MAML2: variants seen among roughly 807,000 people sequenced by gnomAD.
The protein encoded by MAML2 is mastermind like transcriptional coactivator 2.
In MAML2, 22 loss-of-function variants were observed where a neutral mutation model predicts 96.1. The observed-to-expected ratio is 0.23, with a 90% CI of 0.16 to 0.33. The LOEUF is 0.33. Among genes scored for constraint, MAML2 ranks in the 10% least tolerant of loss-of-function variants. The probability of loss-of-function intolerance (pLI) is 1.00; values close to 1 mark genes in which losing one functional copy is unlikely to be tolerated. For synonymous variants in MAML2, 561 were observed against 521.3 expected, an observed-to-expected ratio of 1.08 and a Z score of -1.04; for missense variants, 1,367 against 1,392.4, an observed-to-expected ratio of 0.98 and a Z score of 0.29.
intron 1 of MAML2, among the ~76,000 whole-genome samples, chr11:96,286,038 A>G (rs1057002545): frequency 6.6e-6 from 1 of 152,254 alleles, no homozygotes; most frequent in African/African-American, 2.4e-5. Flanking sequence ...TGTTCATTGC[A>G]GCACTATTCA....
At chr11:96,194,535 T>C (rs488964) in intron 1 of MAML2, among the ~76,000 whole-genome samples, 22,447 of 152,246 alleles carry the variant, frequency 0.15, 1,761 homozygotes, top group East Asian at 0.21. Context: ...AATAAATTTG[T>C]TGGATTAAAT....
At chr11:96,063,967 T>C (rs936159389) in intron 2 of MAML2, among the ~76,000 whole-genome samples, 95 of 152,206 alleles carry the variant, frequency 6.2e-4, no homozygotes, top group African/African-American at 2.1e-3. Context: ...GATGAGTTCA[T>C]GTCTGTAAAA....
At chr11:96,198,250 C>T (rs1170294704) in intron 1 of MAML2, among the ~76,000 whole-genome samples, 1 of 152,164 alleles carries the variant, frequency 6.6e-6, no homozygotes, top group Non-Finnish European at 1.5e-5. Context: ...CCAGAGATAG[C>T]TTATTGGACC....
At chr11:96,254,670 A>G (rs1862636647) in intron 1 of MAML2, among the ~76,000 whole-genome samples, 1 of 152,210 alleles carries the variant, frequency 6.6e-6, no homozygotes, top group Admixed American at 6.5e-5. Context: ...AATTTCACAC[A>G]TCTCAAAACA....
At chr11:96,173,706 C>A (rs1026744104) in intron 1 of MAML2, among the ~76,000 whole-genome samples, 3 of 152,192 alleles carry the variant, frequency 2.0e-5, no homozygotes, top group Admixed American at 6.5e-5. Flanking sequence ...ATGGCAGAGG[C>A]CACAGGGGCG....
At chr11:95,993,174 T>C (rs1857939647) in intron 2 of MAML2, among the ~76,000 whole-genome samples, 1 of 148,724 alleles carries the variant, frequency 6.7e-6, no homozygotes, top group East Asian at 2.0e-4. Flanking sequence ...CCTCCCACAG[T>C]GCTGGTATTA....
intron 2 of MAML2, among the ~76,000 whole-genome samples, chr11:96,051,806 ATTTAATTGTCTATCAGT>A (rs564925568): frequency 1.1e-4 from 16 of 152,334 alleles, no homozygotes; most frequent in African/African-American, 3.6e-4. Context: ...CTTTACCTGG[ATTTAATTGTCTATCAGT>A]TTTATGCCTC....
intron 2 of MAML2, among the ~76,000 whole-genome samples, chr11:95,997,740 C>A (rs1858014478): frequency 6.6e-6 from 1 of 152,134 alleles, no homozygotes; most frequent in Non-Finnish European, 1.5e-5. Context: ...GAGCTGTACA[C>A]AAGTGGTCCC....
At chr11:96,108,016 G>A (rs956949318) in intron 1 of MAML2, among the ~76,000 whole-genome samples, 1 of 152,116 alleles carries the variant, frequency 6.6e-6, no homozygotes, top group South Asian at 2.1e-4. Flanking sequence ...AATCAAACCC[G>A]AAGAAGAGGT....
intron 1 of MAML2, among the ~76,000 whole-genome samples, chr11:96,237,841 G>A (rs192483919): frequency 6.6e-6 from 1 of 152,332 alleles, no homozygotes; most frequent in East Asian, 1.9e-4. Flanking sequence ...AAAGGAATCT[G>A]CTAAGCTAAT....
Position 96,260,443 on chromosome 11 carries a change from T to C in MAML2, c.513+80940A>G, listed in dbSNP as rs1385336628. Among the ~76,000 whole-genome samples the C allele has an allele frequency of 2.6e-5, 4 of 152,184 alleles. No homozygotes were observed. The South Asian group carries it at 8.3e-4, about 32-fold the overall frequency. On this transcript the variant is annotated intron_variant, in intron 1 of 4. Coordinates refer to ENST00000524717, the MANE Select transcript of MAML2 (RefSeq NM_032427.4). Reference sequence around the variant, plus strand: ...GCAATACATTTTTTTCTTCAGTGTCTCTTGTTCTTGGAATGGAGGTGCAGC... The same window carrying C: ...GCAATACATTTTTTTCTTCAGTGTCCCTTGTTCTTGGAATGGAGGTGCAGC...
intron 1 of MAML2, among the ~76,000 whole-genome samples, chr11:96,312,386 C>T (rs1863555779): frequency 6.6e-6 from 1 of 151,908 alleles, no homozygotes; most frequent in East Asian, 1.9e-4. Flanking sequence ...GATAGGTGGG[C>T]TTTTGTGTGT....
chr11:96,203,391 C>G (rs1861852804), intron 1 of MAML2, among the ~76,000 whole-genome samples: 1 of 152,162 alleles, frequency 6.6e-6, no homozygotes, highest in Non-Finnish European at 1.5e-5. Context: ...GAATTGCTGG[C>G]TCTGGAAAAG....
chr11:95,984,772 T>C (rs377735393), intron 4 of MAML2, among the ~76,000 whole-genome samples: 47 of 152,290 alleles, frequency 3.1e-4, no homozygotes, highest in African/African-American at 1.1e-3. Flanking sequence ...AGGTAACAGG[T>C]AAGGCAGAGA....
chr11:96,181,853 T>C (rs562313562), intron 1 of MAML2, among the ~76,000 whole-genome samples: 8 of 135,052 alleles, frequency 5.9e-5, no homozygotes, highest in Non-Finnish European at 1.1e-4. Flanking sequence ...AATTCTTTTC[T>C]ACATTTGTCC....
intron 1 of MAML2, among the ~76,000 whole-genome samples, chr11:96,273,580 GA>G (rs1262521536): frequency 6.6e-6 from 1 of 151,818 alleles, no homozygotes; most frequent in Non-Finnish European, 1.5e-5. Flanking sequence ...GTGCTAAAAA[GA>G]AAAAAGAAAG....
chr11:96,306,809 G>C (rs898763873), intron 1 of MAML2, among the ~76,000 whole-genome samples: 10 of 152,080 alleles, frequency 6.6e-5, no homozygotes, highest in Non-Finnish European at 1.3e-4. Flanking sequence ...CGTTACAAGG[G>C]GTCTTTATAT....
intron 1 of MAML2, among the ~76,000 whole-genome samples, chr11:96,330,319 A>T (rs138733644): frequency 6.6e-6 from 1 of 152,328 alleles, no homozygotes; most frequent in African/African-American, 2.4e-5. Context: ...CCATGTACCA[A>T]ACAAAACTGT....
intron 1 of MAML2, among the ~76,000 whole-genome samples, chr11:96,285,447 T>A (rs997386225): frequency 2.0e-5 from 3 of 151,996 alleles, no homozygotes; most frequent in African/African-American, 7.3e-5. Flanking sequence ...CCGGAAGCAA[T>A]TGCAAAAAAA....
Sources: allele counts gnomAD v4.1 joint callset (sites outside exome capture counted in the v4.1 genomes callset), GRCh38; gene constraint gnomAD v4.1.1; transcripts MANE v1.5; gene names NCBI Gene and HGNC (gene_info 2026-07-23, HGNC 2026-07-21).